Variants in PMPCB observed in about 807,000 individuals in gnomAD.
PMPCB encodes the protein peptidase, mitochondrial processing subunit beta, also known as mitochondrial-processing peptidase subunit beta.
A neutral mutation model predicts 61.5 loss-of-function variants in PMPCB; 46 were observed. That is an observed-to-expected ratio of 0.75 (90% confidence interval 0.59 to 0.96). The LOEUF is 0.96. Ranked by LOEUF, PMPCB falls within the 40% of genes least tolerant of loss-of-function variation. PMPCB has a pLI of 0.00. For synonymous variants in PMPCB, 191 were observed against 201.6 expected, an observed-to-expected ratio of 0.95 and a Z score of 0.44; for missense variants, 590 against 602.4, an observed-to-expected ratio of 0.98 and a Z score of 0.22.
chr7:103,309,203 T>C, intron 8 of PMPCB, 108 bp downstream of exon 8: 2 of 782,564 alleles, frequency 2.6e-6, no homozygotes, highest in South Asian at 6.4e-5. Context: ...AATAGAGTCT[T>C]GTACTGTGAA....
the PMPCB span, chr7:103,345,087 C>G: frequency 3.6e-6 from 1 of 274,866 alleles, no homozygotes; most frequent in Non-Finnish European, 6.8e-6. Context: ...AATGAAAATA[C>G]CTGTATGAAC....
downstream of PMPCB, among the ~76,000 whole-genome samples, chr7:103,318,668 G>A (rs1188087492): frequency 2.0e-5 from 3 of 152,116 alleles, no homozygotes; most frequent in Admixed American, 2.0e-4. Flanking sequence ...AATACTTGTT[G>A]AATTGAATTG....
intron 12 of PMPCB, among the ~76,000 whole-genome samples, chr7:103,326,121 G>A (rs1202046084): frequency 6.6e-6 from 1 of 152,044 alleles, no homozygotes; most frequent in African/African-American, 2.4e-5. Context: ...TGGGATTACA[G>A]GCATGCACCT....
In PMPCB at chr7:103,313,275, A is replaced by C; in HGVS notation, c.*1004A>C. On this transcript the variant is annotated 3_prime_UTR_variant, in exon 13 of 13. Coordinates refer to ENST00000249269, the MANE Select transcript of PMPCB (RefSeq NM_004279.3). Reference sequence around the variant, plus strand: ...CCTCTGAGTGTTAATAAGAGAAAAAATTTCAGATAGCTCACATCCCAGAAA... The same window carrying C: ...CCTCTGAGTGTTAATAAGAGAAAAACTTTCAGATAGCTCACATCCCAGAAA... 2 of 1,341,636 alleles carry C rather than the reference A, an allele frequency of 1.5e-6. No homozygotes were observed. Among genetic ancestry groups the C allele is most frequent in the South Asian group, 4.3e-5 (2 of 46,862 alleles). The allele number at this position is 1,341,636 out of a possible 1,614,324, so 83.1% of individuals were successfully genotyped here.
intron 5 of PMPCB, 48 bp downstream of exon 5, chr7:103,304,088 G>A (rs761306915): frequency 1.5e-6 from 2 of 1,327,304 alleles, no homozygotes; most frequent in African/African-American, 1.5e-5. Flanking sequence ...TATGAATGTT[G>A]AAAATAAACA....
At position 103,321,946 on chromosome 7, in the gene PMPCB, G is replaced by T. The variant is rs768667928; in HGVS notation, c.*1432-6985G>T. On this transcript the variant is annotated intron_variant and NMD_transcript_variant, in intron 12 of 12. Coordinates refer to the PMPCB transcript ENST00000444457. ...GTCTGATATACCTTGCATGAGTTTC[G>T]AAGTTTTTGCCTTTCCTTCTTAATG... 4 of 1,613,008 alleles carry T rather than the reference G, an allele frequency of 2.5e-6. No individual in the cohort carries two copies. The African/African-American group carries it at 4.0e-5, about 16-fold the overall frequency.
downstream of PMPCB, chr7:103,316,426 T>C: frequency 4.5e-6 from 1 of 222,824 alleles, no homozygotes; most frequent in Non-Finnish European, 8.7e-6. Flanking sequence ...CGGTTTCATC[T>C]ATAGAATTAG....
chr7:103,308,606 G>A, intron 7 of PMPCB, among the ~76,000 whole-genome samples: 1 of 152,198 alleles, frequency 6.6e-6, no homozygotes, highest in South Asian at 2.1e-4. Flanking sequence ...GCGACAGAGT[G>A]AGACTCTGTC....
At chr7:103,327,675 G>A in intron 12 of PMPCB, 2 of 1,607,708 alleles carry the variant, frequency 1.2e-6, no homozygotes, top group Non-Finnish European at 1.7e-6. Context: ...TGCAAGTGAA[G>A]TAGTCATTAT....
the PMPCB span, among the ~76,000 whole-genome samples, chr7:103,342,171 C>G: frequency 1.3e-5 from 2 of 152,034 alleles, no homozygotes; most frequent in African/African-American, 4.8e-5. Flanking sequence ...TCAACCTCTT[C>G]CAGTTATCTG....
intron 12 of PMPCB, chr7:103,327,713 C>A (rs759338987): frequency 6.2e-7 from 1 of 1,613,650 alleles, no homozygotes; most frequent in Admixed American, 1.7e-5. Flanking sequence ...TCACCAGCTG[C>A]TTTCCGTTTG....
chr7:103,321,741 C>T (rs1382008801), intron 12 of PMPCB, among the ~76,000 whole-genome samples: 2 of 152,172 alleles, frequency 1.3e-5, no homozygotes, highest in African/African-American at 4.8e-5. Context: ...CCCAGCTACT[C>T]GGGAGGCTGA....
the PMPCB span, chr7:103,337,709 A>C: frequency 6.4e-7 from 1 of 1,567,386 alleles, no homozygotes. Flanking sequence ...AAGATATTTG[A>C]TTATTTCAAA....
intron 4 of PMPCB, among the ~76,000 whole-genome samples, chr7:103,303,234 A>T (rs543845757): frequency 6.6e-6 from 1 of 152,196 alleles, no homozygotes; most frequent in Non-Finnish European, 1.5e-5. Context: ...CTCCCATCTC[A>T]GCCTCCCGAG....
At chr7:103,300,979 C>T (rs1329685463) in intron 4 of PMPCB, among the ~76,000 whole-genome samples, 4 of 152,308 alleles carry the variant, frequency 2.6e-5, no homozygotes, top group East Asian at 1.9e-4. Context: ...CCACTGTGCA[C>T]GGCCATTAGT....
chr7:103,327,445 G>C (rs1014890311), intron 12 of PMPCB: 11 of 764,290 alleles, frequency 1.4e-5, no homozygotes, highest in Non-Finnish European at 2.3e-5. Context: ...CTAATAAGCT[G>C]CCAGGTGTTG....
downstream of PMPCB, chr7:103,316,469 A>C: frequency 4.5e-6 from 1 of 222,368 alleles, no homozygotes; most frequent in Non-Finnish European, 8.7e-6. Flanking sequence ...TCTTGCAGTT[A>C]AACTCAAGCT....
downstream of PMPCB, chr7:103,316,806 G>T (rs1563456018): frequency 6.2e-7 from 1 of 1,602,010 alleles, no homozygotes; most frequent in South Asian, 1.1e-5. Flanking sequence ...GTGAGTTGAA[G>T]AAAAGTTTCA....
At chr7:103,310,070 C>G (rs1817693712) in intron 8 of PMPCB, among the ~76,000 whole-genome samples, 1 of 152,106 alleles carries the variant, frequency 6.6e-6, no homozygotes, top group Non-Finnish European at 1.5e-5. Context: ...GTAGGTATAG[C>G]TACTACATTA....
Sources: allele counts gnomAD v4.1 joint callset (sites outside exome capture counted in the v4.1 genomes callset), GRCh38; gene constraint gnomAD v4.1.1; transcripts MANE v1.5; gene names NCBI Gene and HGNC (gene_info 2026-07-23, HGNC 2026-07-21).